The following PSMD3 variants were observed in gnomAD, a reference collection of about 807,000 sequenced individuals.
The protein encoded by PSMD3 is 26S proteasome non-ATPase regulatory subunit 3.
A neutral mutation model predicts 62.8 loss-of-function variants in PSMD3; 5 were observed. That is an observed-to-expected ratio of 0.08 (90% confidence interval 0.04 to 0.17). The LOEUF is 0.17. Among genes scored for constraint, PSMD3 ranks in the 10% least tolerant of loss-of-function variants. PSMD3 has a pLI of 1.00. For synonymous variants in PSMD3, 265 were observed against 283.9 expected (o/e 0.93, Z 0.67); for missense variants, 524 against 713.6 (o/e 0.73, Z 3.03).
intron 6 of PSMD3, among the ~76,000 whole-genome samples, chr17:39,990,939 G>T (rs1283401265): frequency 3.3e-5 from 5 of 152,140 alleles, no homozygotes; most frequent in Non-Finnish European, 5.9e-5. Context: ...CACTGTAAGG[G>T]ATAGGAAGGG....
intron 1 of PSMD3, among the ~76,000 whole-genome samples, chr17:39,981,411 C>T (rs1326172854): frequency 1.3e-5 from 2 of 152,216 alleles, no homozygotes; most frequent in Non-Finnish European, 2.9e-5. Context: ...CCTCCATCCC[C>T]ATATCTGGGG....
At chr17:39,989,013 T>C (rs1416859315) in intron 4 of PSMD3, among the ~76,000 whole-genome samples, 194 bp downstream of exon 4, 3 of 152,168 alleles carry the variant, frequency 2.0e-5, no homozygotes, top group South Asian at 2.1e-4. Flanking sequence ...AGTGGGTCAC[T>C]GCTGGGCTGT....
At position 39,980,821 on chromosome 17, in the gene PSMD3, C is replaced by T. The variant is rs1001065462; in HGVS notation, c.-150C>T. On this transcript the variant is annotated 5_prime_UTR_variant, in exon 1 of 12. Coordinates refer to ENST00000264639, the MANE Select transcript of PSMD3 (RefSeq NM_002809.4). ...TGGCGTTTCCCAGAAGGCCCAGCGC[C>T]GGGAAGGGGTTTGCAGCTGCTCCGT... 16 of 702,718 alleles carry T rather than the reference C, an allele frequency of 2.3e-5. No individual in the cohort carries two copies. The highest frequency in any genetic ancestry group is 4.1e-4 in the Middle Eastern group (1 of 2,440). 43.5% of individuals were successfully genotyped at this position (702,718 alleles called of 1,614,324 possible).
Position 39,997,728 on chromosome 17 carries a change from C to T in PSMD3, c.*147C>T, listed in dbSNP as rs994020666. On this transcript the variant is annotated 3_prime_UTR_variant, in exon 12 of 12. Transcript: ENST00000264639. The stretch of plus-strand genomic sequence containing the variant: ...GGTGGGGGTGCTGGGAGCCAGCCAC[C>T]CTGACCTCCCCCAGGGCTCCTCCCC... The T allele has an allele frequency of 1.1e-6, 1 of 919,184 alleles. No homozygotes were observed. The highest frequency in any genetic ancestry group is 1.6e-5 in the African/African-American group (1 of 61,002). The allele number at this position is 919,184 out of a possible 1,614,324, so 56.9% of individuals were successfully genotyped here. A position where few individuals can be genotyped will look rare whatever the true frequency, so the allele number is the denominator to read the frequency against.
chr17:39,992,033 A>G (rs1046577884), intron 6 of PSMD3, among the ~76,000 whole-genome samples: 1 of 151,652 alleles, frequency 6.6e-6, no homozygotes, highest in African/African-American at 2.4e-5. Context: ...TCAAAAAAAA[A>G]CAAACATTAA....
Position 39,997,868 on chromosome 17 carries a change from G to T in PSMD3, c.*287G>T. ...AAGGATAGTTCTGTGTACTCCTTTA[G>T]GGAGTGGGGGACTAGAACTGGGATG... On this transcript the variant is annotated 3_prime_UTR_variant, in exon 12 of 12. Coordinates refer to ENST00000264639, the MANE Select transcript of PSMD3 (RefSeq NM_002809.4). 2.0e-6 allele frequency: 1 copy of T among 488,384 alleles called. No homozygotes were observed. Among genetic ancestry groups the T allele is most frequent in the Non-Finnish European group, 3.7e-6 (1 of 268,224 alleles). 30.3% of individuals were successfully genotyped at this position (488,384 alleles called of 1,614,324 possible).
chr17:39,997,395 T>C lies in PSMD3; in HGVS notation c.1527+15T>C. ...AGTCTGCAGAGGTAAGCTCTCTGCT[T>C]TCTGGGTGAGACCGAAAGGTCAAAC... On this transcript the variant is annotated intron_variant, in intron 11 of 11. Coordinates refer to ENST00000264639, the MANE Select transcript of PSMD3 (RefSeq NM_002809.4). 6.2e-7 allele frequency: 1 copy of C among 1,614,068 alleles called. No homozygotes were observed. Among genetic ancestry groups the C allele is most frequent in the Non-Finnish European group, 8.5e-7 (1 of 1,179,932 alleles).
At chr17:39,990,285 A>T in intron 6 of PSMD3, 88 bp downstream of exon 6, 27 of 1,196,528 alleles carry the variant, frequency 2.3e-5, no homozygotes, top group Admixed American at 2.0e-4. Context: ...CTGGTCTTGA[A>T]CTCCTGGGTT....
chr17:39,983,525 T>A (rs570593451), intron 1 of PSMD3, among the ~76,000 whole-genome samples: 1 of 152,332 alleles, frequency 6.6e-6, no homozygotes, highest in East Asian at 1.9e-4. Context: ...TTATACAAGC[T>A]CTTTATAGAA....
Position 39,995,974 on chromosome 17 carries a change from C to T in PSMD3, c.1321-209C>T, listed in dbSNP as rs1980772784. ...TCTCTACTGAAAATACAAAAATTAG[C>T]CAGGCCTGGTGGCAGGTTCCTGTAA... On this transcript the variant is annotated intron_variant, in intron 9 of 11. Transcript: ENST00000264639. This position sits in a 1 kb window ranked among gnomAD's most constrained non-coding sequence, Gnocchi z 4.1. 3.3e-6 allele frequency: 2 copies of T among 597,394 alleles called. No homozygotes were observed. Among genetic ancestry groups the T allele is most frequent in the East Asian group, 3.1e-5 (1 of 31,918 alleles). The allele number at this position is 597,394 out of a possible 1,614,324, so 37.0% of individuals were successfully genotyped here.
chr17:39,992,381 C>A (rs983090292), intron 6 of PSMD3, among the ~76,000 whole-genome samples: 1 of 152,248 alleles, frequency 6.6e-6, no homozygotes, highest in East Asian at 1.9e-4. Context: ...TCTGCCCTCA[C>A]ACACCTTTGC....
chr17:39,988,988 G>A (rs1481944175), intron 4 of PSMD3, among the ~76,000 whole-genome samples, 169 bp downstream of exon 4: 1 of 152,118 alleles, frequency 6.6e-6, no homozygotes, highest in African/African-American at 2.4e-5. Context: ...GAGAGAGACT[G>A]GTGCTAGATG....
At chr17:39,994,806 T>C (rs1980742160) in intron 6 of PSMD3, 148 bp from the exon 7 acceptor site, 2 of 674,072 alleles carry the variant, frequency 3.0e-6, no homozygotes, top group Admixed American at 5.4e-5. Flanking sequence ...CCAGCACAGG[T>C]TTTCAGGGCT....
Position 39,981,031 on chromosome 17 carries a change from G to C in PSMD3, c.61G>C (p.Gly21Arg). 1.3e-6 allele frequency: 2 copies of C among 1,549,218 alleles called. No homozygotes were observed. The highest frequency in any genetic ancestry group is 1.7e-6 in the Non-Finnish European group (2 of 1,146,624). ...GADKAKPPPG[G>R]GEQEPPPPPA... is the part of the protein sequence containing the mutation. The stretch of plus-strand genomic sequence containing the variant: ...GGACAAGGCGAAACCGCCGCCCGGC[G>C]GAGGAGAACAAGAACCCCCACCGCC... Residue 21 changes from glycine to arginine, a missense_variant, in exon 1 of 12, where the codon GGA (glycine) becomes CGA (arginine). This residue lies in a region of PSMD3 where 396 missense variants were observed against 475.8 expected (regional missense o/e 0.83). Transcript: ENST00000264639.
In PSMD3 at chr17:39,982,073, C is replaced by T. The variant is rs537159192; in HGVS notation, c.220+883C>T. On this transcript the variant is annotated intron_variant, in intron 1 of 11. Transcript: ENST00000264639. ...GGGACCAGACTACTTACTAGGTTTT[C>T]TTTTCACTAAAATGCGTGAGAAACT... 1.9e-3 allele frequency among the ~76,000 whole-genome samples: 293 copies of T among 152,294 alleles called. 1 individual carries two copies. Among genetic ancestry groups the T allele is most frequent in the African/African-American group, 7.0e-3 (290 of 41,552 alleles).
In PSMD3 at chr17:39,984,428, G is replaced by A. The variant is rs749147429; in HGVS notation, c.355G>A (p.Gly119Ser). Reference sequence around the variant, plus strand: ...CTATGTTCTGTATAAGGCTGTGCAGGGCTTCTTCACTTCAAATAATGCCAC... The same window carrying A: ...CTATGTTCTGTATAAGGCTGTGCAGAGCTTCTTCACTTCAAATAATGCCAC... ...NHYVLYKAVQGFFTSNNATRD... is the reference protein window; with the variant it reads ...NHYVLYKAVQSFFTSNNATRD... Residue 119 changes from glycine (G) to serine (S), a missense_variant, in exon 2 of 12, where the codon GGC becomes AGC. Physicochemically the swap from Gly to Ser is moderately conservative, Grantham distance 56. Transcript: ENST00000264639. The A allele has an allele frequency of 2.5e-6, 4 of 1,613,314 alleles. No homozygotes were observed. In the East Asian group the frequency reaches 8.9e-5, roughly 36 times the overall value.
chr17:39,995,156 T>C lies in PSMD3; in HGVS notation c.1097-20T>C, dbSNP rs1331448025. The C allele has an allele frequency of 6.2e-7, 1 of 1,614,110 alleles. No homozygotes were observed. The stretch of plus-strand genomic sequence containing the variant: ...CTGTGCCTATTTGCATCATCCAATC[T>C]ACTCCTGTTCTGCCTGCAGCTGTCA... On this transcript the variant is annotated intron_variant, in intron 7 of 11. Transcript: ENST00000264639. The surrounding 1 kb of genome is among the most constrained non-coding windows in gnomAD (Gnocchi z 4.1).
rs1185322274 is a variant in PSMD3 at position 39,996,842 on chromosome 17, T to G, written c.1477-488T>G. On this transcript the variant is annotated intron_variant, in intron 10 of 11. Coordinates refer to ENST00000264639, the MANE Select transcript of PSMD3 (RefSeq NM_002809.4). This position sits in a 1 kb window ranked among gnomAD's most constrained non-coding sequence, Gnocchi z 5.1. ...CACTGAGTTTGGCGCTGTTACTATT[T>G]GCTTGCCATGTTTTTTTCTGGTCTC... 4.4e-6 allele frequency: 2 copies of G among 450,280 alleles called. No homozygotes were observed. The highest frequency in any genetic ancestry group is 6.9e-5 in the East Asian group (1 of 14,484). The allele number at this position is 450,280 out of a possible 1,614,324, so 27.9% of individuals were successfully genotyped here.
intron 2 of PSMD3, among the ~76,000 whole-genome samples, chr17:39,985,466 G>A (rs1215662429): frequency 5.3e-5 from 8 of 152,222 alleles, no homozygotes; most frequent in Admixed American, 2.0e-4. Flanking sequence ...TGGCGCCTCC[G>A]TGCCAGGAGA....
Sources: allele counts gnomAD v4.1 joint callset (sites outside exome capture counted in the v4.1 genomes callset), GRCh38; gene constraint gnomAD v4.1.1; regional missense constraint gnomAD v4.1.1; non-coding constraint Gnocchi (gnomAD v3.1); transcripts MANE v1.5; gene names NCBI Gene and HGNC (gene_info 2026-07-23, HGNC 2026-07-21).